FARP1: variants seen among roughly 807,000 people sequenced by gnomAD.
FARP1 encodes the protein FERM, ARH/RhoGEF and pleckstrin domain protein 1.
A neutral mutation model predicts 128.8 loss-of-function variants in FARP1; 52 were observed. That is an observed-to-expected ratio of 0.40 (90% CI 0.32 to 0.51). FARP1 has a LOEUF of 0.51. FARP1 is among the 20% of genes least tolerant of loss of function. The pLI is 0.45. For missense variants in FARP1, 1,333 were observed against 1,367.9 expected (o/e 0.97, Z 0.40); for synonymous variants, 580 against 551.8 (o/e 1.05, Z -0.72).
chr13:98,437,770 G>A (rs561854246), intron 19 of FARP1: 54 of 1,499,748 alleles, frequency 3.6e-5, no homozygotes, highest in African/African-American at 2.7e-4. Flanking sequence ...CACCAGCCTG[G>A]CTCCTTTTCC....
chr13:98,436,442 C>T lies in FARP1; in HGVS notation c.2274+736C>T, dbSNP rs79200742. On this transcript the variant is annotated intron_variant, in intron 19 of 26. Transcript: ENST00000319562. ...TCAAATCTCTCTCTGGGATCTTTACCCTGTGGCGCCCCCATTTCAAATGCT... is the reference window on the plus strand; with the variant it reads ...TCAAATCTCTCTCTGGGATCTTTACTCTGTGGCGCCCCCATTTCAAATGCT... 1.2e-4 allele frequency among the ~76,000 whole-genome samples: 19 copies of T among 152,298 alleles called. No individual in the cohort carries two copies. In the East Asian group the frequency reaches 2.7e-3, roughly 22 times the overall value.
rs1297501077 is a variant in FARP1 at position 98,454,662 on chromosome 13, T to A, written c.*6345T>A. On this transcript the variant is annotated 3_prime_UTR_variant, in exon 27 of 27. Coordinates refer to ENST00000319562, the MANE Select transcript of FARP1 (RefSeq NM_005766.4). ...TCAGAGGAGAGGCGGCTCTCATTTTTCCTACAGCCATCCACTGAAACAACA... is the reference window on the plus strand; with the variant it reads ...TCAGAGGAGAGGCGGCTCTCATTTTACCTACAGCCATCCACTGAAACAACA... 2.0e-5 allele frequency: 3 copies of A among 152,330 alleles called. No homozygotes were observed. The highest frequency in any genetic ancestry group is 4.4e-5 in the Non-Finnish European group (3 of 68,024). The allele number at this position is 152,330 out of a possible 1,614,324, so 9.4% of individuals were successfully genotyped here.
intron 2 of FARP1, among the ~76,000 whole-genome samples, chr13:98,268,025 A>G: frequency 6.6e-6 from 1 of 152,236 alleles, no homozygotes; most frequent in East Asian, 1.9e-4. Flanking sequence ...GCAGCATTAC[A>G]TACAGGCACA....
intron 2 of FARP1, chr13:98,333,627 C>G (rs930072874): frequency 6.6e-6 from 1 of 152,326 alleles, no homozygotes; most frequent in Non-Finnish European, 1.5e-5. Context: ...GAAACCTAAT[C>G]TGAAGTGTGT....
intron 1 of FARP1, among the ~76,000 whole-genome samples, chr13:98,151,611 G>C (rs1239265670): frequency 6.8e-6 from 1 of 146,706 alleles, no homozygotes; most frequent in Non-Finnish European, 1.5e-5. Context: ...GTGACAATTT[G>C]GAGTATAGTT....
chr13:98,165,355 A>G (rs917716427), intron 1 of FARP1, among the ~76,000 whole-genome samples: 1 of 152,116 alleles, frequency 6.6e-6, no homozygotes, highest in African/African-American at 2.4e-5. Flanking sequence ...AAGAAATGAA[A>G]CAGTTTTTGA....
Position 98,192,515 on chromosome 13 carries a change from G to C in FARP1, c.-23-20705G>C, listed in dbSNP as rs117430371. 7.5e-3 allele frequency among the ~76,000 whole-genome samples: 1,138 copies of C among 151,968 alleles called. 91 individuals carry two copies. The East Asian group carries it at 0.18, about 24-fold the overall frequency. ...AGGGATTCTCCTGCCTCAGCCTTTC[G>C]AGTAGCTGGGATTACAGACATCTGC... On this transcript the variant is annotated intron_variant, in intron 1 of 26. Transcript: ENST00000319562.
chr13:98,345,441 G>C (rs1385095953), intron 3 of FARP1: 1 of 152,238 alleles, frequency 6.6e-6, no homozygotes, highest in Non-Finnish European at 1.5e-5. Context: ...AACCATAGGT[G>C]CTTCTCTTTT....
At chr13:98,263,380 G>A (rs1049468028) in intron 2 of FARP1, among the ~76,000 whole-genome samples, 14 of 152,170 alleles carry the variant, frequency 9.2e-5, no homozygotes, top group Non-Finnish European at 1.0e-4. Context: ...TAGGAAGGTG[G>A]AATGGGAATA....
At chr13:98,261,918 A>G (rs899414834) in intron 2 of FARP1, among the ~76,000 whole-genome samples, 15 of 152,016 alleles carry the variant, frequency 9.9e-5, no homozygotes, top group African/African-American at 3.6e-4. Flanking sequence ...CTGGGGTCAC[A>G]TTTCAGCATG....
chr13:98,309,424 C>T (rs955551810), intron 2 of FARP1, among the ~76,000 whole-genome samples: 1 of 151,884 alleles, frequency 6.6e-6, no homozygotes, highest in Non-Finnish European at 1.5e-5. Flanking sequence ...CCGCCTCGGC[C>T]TCCCAAAGTG....
chr13:98,316,025 C>T (rs781414013), intron 2 of FARP1, among the ~76,000 whole-genome samples: 7 of 152,126 alleles, frequency 4.6e-5, no homozygotes, highest in Non-Finnish European at 1.0e-4. Context: ...GTCATGGACC[C>T]GGGGAATGCG....
intron 2 of FARP1, among the ~76,000 whole-genome samples, chr13:98,268,490 T>TG (rs1297854779): frequency 6.6e-6 from 1 of 152,110 alleles, no homozygotes; most frequent in Non-Finnish European, 1.5e-5. Context: ...TTTTTTGAGA[T>TG]GGAGTCTCGC....
intron 1 of FARP1, among the ~76,000 whole-genome samples, chr13:98,159,939 G>A (rs1257419663): frequency 6.6e-6 from 1 of 152,152 alleles, no homozygotes; most frequent in Admixed American, 6.5e-5. Context: ...ATCACCAGAC[G>A]ATTTCATCAT....
At chr13:98,263,045 G>A (rs952128768) in intron 2 of FARP1, among the ~76,000 whole-genome samples, 2 of 152,080 alleles carry the variant, frequency 1.3e-5, no homozygotes, top group Non-Finnish European at 2.9e-5. Flanking sequence ...CTTTGCTCTT[G>A]TTGCCCAGGC....
intron 26 of FARP1, chr13:98,447,507 G>A (rs957686452): frequency 6.6e-6 from 1 of 152,376 alleles, no homozygotes; most frequent in African/African-American, 2.4e-5. Flanking sequence ...CCTGGGACAA[G>A]GCCAGGTAAT....
At chr13:98,185,647 T>C (rs1457450654) in intron 1 of FARP1, among the ~76,000 whole-genome samples, 1 of 16,014 alleles carries the variant, frequency 6.2e-5, no homozygotes, top group Non-Finnish European at 1.7e-4. Flanking sequence ...TGATAATTAG[T>C]TTTTTTTTTT....
At chr13:98,363,543 C>G (rs1251749187) in intron 3 of FARP1, among the ~76,000 whole-genome samples, 2 of 152,150 alleles carry the variant, frequency 1.3e-5, no homozygotes, top group Non-Finnish European at 2.9e-5. Context: ...ATCTGACCTG[C>G]CCATCCCTGG....
chr13:98,191,465 G>A (rs960329101), intron 1 of FARP1, among the ~76,000 whole-genome samples: 1 of 152,022 alleles, frequency 6.6e-6, no homozygotes, highest in Admixed American at 6.6e-5. Flanking sequence ...AATGCTTTGG[G>A]GTATGAAGTA....
Sources: gnomAD v4.1 joint callset for allele counts (sites outside exome capture counted in the v4.1 genomes callset) on GRCh38, gnomAD v4.1.1 for gene constraint, MANE v1.5 for transcripts, NCBI Gene and HGNC (gene_info 2026-07-23, HGNC 2026-07-21) for gene names.